Variants in TEK observed in about 807,000 individuals in gnomAD.
TEK encodes angiopoietin-1 receptor.
In TEK, 43 loss-of-function variants were observed where a neutral mutation model predicts 131.8. The observed-to-expected ratio is 0.33, with a 90% CI of 0.26 to 0.42. The LOEUF (loss-of-function observed/expected upper bound fraction) is 0.42. TEK is among the 10% of genes least tolerant of loss of function. TEK has a pLI of 1.00. For missense variants in TEK, 1,162 were observed against 1,384.4 expected, an observed-to-expected ratio of 0.84 and a Z score of 2.55; for synonymous variants, 580 against 491.6, an observed-to-expected ratio of 1.18 and a Z score of -2.38.
intron 1 of TEK, among the ~76,000 whole-genome samples, chr9:27,136,086 T>C (rs1326993639): frequency 2.4e-5 from 1 of 42,122 alleles, no homozygotes; most frequent in East Asian, 2.1e-4. Context: ...AGGGCAGTTA[T>C]TTTTTTTTTT....
At chr9:27,215,356 AG>A (rs1275791357) in intron 18 of TEK, among the ~76,000 whole-genome samples, 6 of 152,136 alleles carry the variant, frequency 3.9e-5, no homozygotes, top group African/African-American at 1.4e-4. Context: ...GAGAGGAGCA[AG>A]TTCCCTGCAA....
rs769299929 is a variant in TEK at position 27,202,821 on chromosome 9, T to A, written c.1911T>A (p.Ile637=). 1 of 1,614,018 alleles carries A rather than the reference T, an allele frequency of 6.2e-7. No homozygotes were observed. Among genetic ancestry groups the A allele is most frequent in the Non-Finnish European group, 8.5e-7 (1 of 1,179,888 alleles). The stretch of plus-strand genomic sequence containing the variant: ...ATCTTTTTTCTTTTTAATTTCTAGT[T>A]CTTCCTCCTCAACCAGAAAACATCA... ...EDLTAWTLSD[I]LPPQPENIKI... Residue 637 remains isoleucine, a splice_region_variant and synonymous_variant, in exon 13 of 23, where the codon ATT becomes ATA. Coordinates refer to ENST00000380036, the MANE Select transcript of TEK (RefSeq NM_000459.5).
At chr9:27,137,913 C>A (rs1822548564) in intron 1 of TEK, among the ~76,000 whole-genome samples, 1 of 152,070 alleles carries the variant, frequency 6.6e-6, no homozygotes. Context: ...TGTTACAGTT[C>A]TTAAAGATGG....
At chr9:27,116,905 A>G (rs890514742) in intron 1 of TEK, among the ~76,000 whole-genome samples, 3 of 126,234 alleles carry the variant, frequency 2.4e-5, no homozygotes, top group Non-Finnish European at 3.2e-5. Context: ...TCAGTCCCCC[A>G]GGCTGGAGTG....
At chr9:27,127,070 T>C (rs1389122306) in intron 1 of TEK, among the ~76,000 whole-genome samples, 1 of 152,230 alleles carries the variant, frequency 6.6e-6, no homozygotes, top group African/African-American at 2.4e-5. Flanking sequence ...GGTGGTTTGC[T>C]GCAGCTATCA....
chr9:27,210,573 C>T (rs2131221997), intron 16 of TEK: 1 of 159,140 alleles, frequency 6.3e-6, no homozygotes, highest in South Asian at 1.9e-4. Flanking sequence ...GGGATCCAGG[C>T]ACTTTGCACT....
In TEK at chr9:27,229,311, T is replaced by C; in HGVS notation, c.*79T>C. 1.5e-6 allele frequency: 2 copies of C among 1,342,336 alleles called. No homozygotes were observed. The highest frequency in any genetic ancestry group is 2.1e-6 in the Non-Finnish European group (2 of 933,992). 83.2% of individuals were successfully genotyped at this position (1,342,336 alleles called of 1,614,324 possible). A position where few individuals can be genotyped will look rare whatever the true frequency, so the allele number is the denominator to read the frequency against. ...GACACCTGCTGAGAAAACATGCCTC[T>C]GCCAAAGGATGTGATATATAAGTGT... On this transcript the variant is annotated 3_prime_UTR_variant, in exon 23 of 23. Transcript: ENST00000380036.
chr9:27,164,723 C>T (rs149145083), intron 2 of TEK, among the ~76,000 whole-genome samples: 83 of 151,992 alleles, frequency 5.5e-4, no homozygotes, highest in African/African-American at 1.9e-3. Flanking sequence ...TTGTATGGAG[C>T]GGGGGTCTCA....
chr9:27,161,931 T>C (rs1195652444), intron 2 of TEK, among the ~76,000 whole-genome samples: 2 of 152,252 alleles, frequency 1.3e-5, no homozygotes, highest in Non-Finnish European at 2.9e-5. Flanking sequence ...GTAATTTCTT[T>C]GAGTAATAGG....
chr9:27,227,798 T>C (rs1173183392), intron 21 of TEK, among the ~76,000 whole-genome samples: 1 of 152,182 alleles, frequency 6.6e-6, no homozygotes, highest in African/African-American at 2.4e-5. Context: ...ATTTTTTTGT[T>C]TTTAATGACA....
At chr9:27,155,075 G>A (rs1823280890) in intron 1 of TEK, among the ~76,000 whole-genome samples, 1 of 152,210 alleles carries the variant, frequency 6.6e-6, no homozygotes, top group South Asian at 2.1e-4. Flanking sequence ...CTAGAAATGG[G>A]GCTGGATTGA....
At chr9:27,219,382 C>A (rs1478338839) in intron 20 of TEK, among the ~76,000 whole-genome samples, 1 of 152,046 alleles carries the variant, frequency 6.6e-6, no homozygotes, top group African/African-American at 2.4e-5. Flanking sequence ...TAAACTAACA[C>A]AGGAATAGAA....
intron 3 of TEK, 43 bp downstream of exon 3, chr9:27,168,648 A>G (rs189914516): frequency 1.5e-6 from 2 of 1,313,072 alleles, no homozygotes; most frequent in African/African-American, 1.5e-5. Context: ...GATGTGAGAT[A>G]TCAGATAACA....
chr9:27,219,727 G>T (rs1815506), intron 20 of TEK, among the ~76,000 whole-genome samples: 59,229 of 138,638 alleles, frequency 0.43, 13,655 homozygotes, highest in East Asian at 0.57. Flanking sequence ...CTTCCAATCA[G>T]AAAAAAAGGT....
chr9:27,229,141 C>A lies in TEK; in HGVS notation c.3301-17C>A. 6.2e-7 allele frequency: 1 copy of A among 1,612,926 alleles called. No individual in the cohort carries two copies. Among genetic ancestry groups the A allele is most frequent in the Non-Finnish European group, 8.5e-7 (1 of 1,178,956 alleles). On this transcript the variant is annotated splice_polypyrimidine_tract_variant and intron_variant, in intron 22 of 22. Coordinates refer to ENST00000380036, the MANE Select transcript of TEK (RefSeq NM_000459.5). ...ATCAAAGCAGCCTATGTCTCTGAAC[C>A]ATTTTCATTCTTCCAGACCTACGTG... is the stretch of plus-strand genomic sequence containing the variant.
intron 6 of TEK, among the ~76,000 whole-genome samples, chr9:27,173,755 T>TTTC: frequency 6.8e-6 from 1 of 146,202 alleles, no homozygotes; most frequent in Non-Finnish European, 1.5e-5. Context: ...TTTTTTTTTT[T>TTTC]TTCAGTGAAT....
intron 2 of TEK, among the ~76,000 whole-genome samples, chr9:27,162,329 A>G (rs1823575637): frequency 6.6e-6 from 1 of 152,168 alleles, no homozygotes; most frequent in African/African-American, 2.4e-5. Flanking sequence ...ATGTGCCAAA[A>G]CACAGCTTAA....
At chr9:27,110,193 TAGGGTC>T (rs751017623) in intron 1 of TEK, among the ~76,000 whole-genome samples, 29 of 149,852 alleles carry the variant, frequency 1.9e-4, no homozygotes, top group Non-Finnish European at 3.5e-4. Context: ...TTCTTGTAGT[TAGGGTC>T]AGGGAGATTG....
intron 5 of TEK, 90 bp from the exon 6 acceptor site, chr9:27,173,132 C>G: frequency 6.5e-7 from 1 of 1,536,586 alleles, no homozygotes; most frequent in Non-Finnish European, 8.9e-7. Context: ...TTCCCATATT[C>G]ACTAGACTAG....
Sources: allele counts gnomAD v4.1 joint callset (sites outside exome capture counted in the v4.1 genomes callset), GRCh38; gene constraint gnomAD v4.1.1; transcripts MANE v1.5; gene names NCBI Gene and HGNC (gene_info 2026-07-23, HGNC 2026-07-21).